DHTKD1: variants seen among roughly 807,000 people sequenced by gnomAD.
The protein encoded by DHTKD1 is 2-oxoadipate dehydrogenase complex component E1.
A neutral mutation model predicts 101.8 loss-of-function variants in DHTKD1; 78 were observed. The observed-to-expected ratio is 0.77, with a 90% confidence interval of 0.64 to 0.93. The LOEUF is 0.93. Ranked by LOEUF, DHTKD1 falls within the 40% of genes least tolerant of loss-of-function variation. The pLI is 0.00. For missense variants in DHTKD1, 1,223 were observed against 1,161.7 expected, an observed-to-expected ratio of 1.05 and a Z score of -0.77; for synonymous variants, 462 against 450.3, an observed-to-expected ratio of 1.03 and a Z score of -0.33.
At position 12,117,591 on chromosome 10, in the gene DHTKD1, C is replaced by T. The variant is rs569622861; in HGVS notation, c.2320-82C>T. On this transcript the variant is annotated intron_variant, in intron 13 of 16. Transcript: ENST00000263035. Reference sequence around the variant, plus strand: ...AGTGCTAGGCTAGAACTTTGGTACTCGTGTTTGATAGCGGCCCTTGTAAGT... The same window carrying T: ...AGTGCTAGGCTAGAACTTTGGTACTTGTGTTTGATAGCGGCCCTTGTAAGT... 1.9e-5 allele frequency: 16 copies of T among 833,668 alleles called. 1 individual carries two copies. Among genetic ancestry groups the T allele is most frequent in the Middle Eastern group, 2.2e-4 (1 of 4,490 alleles). 51.6% of individuals were successfully genotyped at this position (833,668 alleles called of 1,614,324 possible).
At chr10:12,113,560 T>C (rs1242487678) in intron 13 of DHTKD1, among the ~76,000 whole-genome samples, 2 of 152,174 alleles carry the variant, frequency 1.3e-5, no homozygotes, top group African/African-American at 2.4e-5. Context: ...TTTCTGTCAA[T>C]TGTAATGAAG....
intron 7 of DHTKD1, among the ~76,000 whole-genome samples, chr10:12,096,740 A>C (rs1300671171): frequency 6.6e-6 from 1 of 152,228 alleles, no homozygotes; most frequent in Admixed American, 6.5e-5. Flanking sequence ...TTTATAGTTG[A>C]AAGTATGACA....
rs1833315234 is a variant in DHTKD1 at position 12,110,599 on chromosome 10, C to T, written c.2155-2301C>T. On this transcript the variant is annotated intron_variant, in intron 12 of 16. Coordinates refer to ENST00000263035, the MANE Select transcript of DHTKD1 (RefSeq NM_018706.7). The surrounding 1 kb of genome is among the most constrained non-coding windows in gnomAD (Gnocchi z 4.9). ...GCTATACATTGTGAACTGATTGAAT[C>T]AAGCTAATTACCAGACCCGTCACCT... Among the ~76,000 whole-genome samples the T allele has an allele frequency of 6.6e-6, 1 of 152,140 alleles. No individual in the cohort carries two copies. Among genetic ancestry groups the T allele is most frequent in the Non-Finnish European group, 1.5e-5 (1 of 68,022 alleles).
At chr10:12,071,578 T>A (rs907247094) in intron 1 of DHTKD1, among the ~76,000 whole-genome samples, 2 of 149,972 alleles carry the variant, frequency 1.3e-5, no homozygotes, top group Non-Finnish European at 3.0e-5. Flanking sequence ...AAAACTAGCC[T>A]GGCCAACATG....
In DHTKD1 at chr10:12,118,742, C is replaced by T; in HGVS notation, c.2403-7C>T. Reference sequence around the variant, plus strand: ...CCCCACCCTATTGTTCCTTTTCTGTCCAACAGGGTTAAGACCCTCGTGTTC... The same window carrying T: ...CCCCACCCTATTGTTCCTTTTCTGTTCAACAGGGTTAAGACCCTCGTGTTC... On this transcript the variant is annotated splice_region_variant and splice_polypyrimidine_tract_variant and intron_variant, in intron 14 of 16. Transcript: ENST00000263035. The T allele has an allele frequency of 1.3e-6, 2 of 1,509,100 alleles. No individual in the cohort carries two copies. Among genetic ancestry groups the T allele is most frequent in the Non-Finnish European group, 1.8e-6 (2 of 1,127,490 alleles). 93.5% of individuals were successfully genotyped at this position (1,509,100 alleles called of 1,614,324 possible). A position where few individuals can be genotyped will look rare whatever the true frequency, so the allele number is the denominator to read the frequency against.
intron 14 of DHTKD1, among the ~76,000 whole-genome samples, chr10:12,118,188 C>T (rs1013855377): frequency 2.0e-5 from 3 of 151,918 alleles, no homozygotes; most frequent in Non-Finnish European, 4.4e-5. Flanking sequence ...CCATGCCTGG[C>T]CTCCTCTATC....
intron 12 of DHTKD1, among the ~76,000 whole-genome samples, chr10:12,112,497 C>T (rs912387946): frequency 5.6e-4 from 20 of 35,566 alleles, no homozygotes; most frequent in Admixed American, 8.9e-4. Flanking sequence ...TTAAAGCACG[C>T]GTGCACACAC....
intron 7 of DHTKD1, among the ~76,000 whole-genome samples, 155 bp from the exon 8 acceptor site, chr10:12,097,529 C>G (rs928978316): frequency 2.0e-5 from 3 of 152,168 alleles, no homozygotes; most frequent in Non-Finnish European, 4.4e-5. Flanking sequence ...CCACTTTGGC[C>G]TCCCAAAATG....
At chr10:12,072,819 C>T (rs1832671286) in intron 1 of DHTKD1, among the ~76,000 whole-genome samples, 1 of 151,988 alleles carries the variant, frequency 6.6e-6, no homozygotes, top group South Asian at 2.1e-4. Context: ...TCACCACAAC[C>T]TCTGCCTCCT....
intron 1 of DHTKD1, among the ~76,000 whole-genome samples, chr10:12,074,026 C>T (rs566408651): frequency 8.5e-5 from 13 of 152,268 alleles, no homozygotes; most frequent in Admixed American, 3.3e-4. Context: ...GGCTTCGTTA[C>T]GGACTTAAAC....
intron 13 of DHTKD1, among the ~76,000 whole-genome samples, chr10:12,115,825 C>T (rs753776628): frequency 6.6e-6 from 1 of 151,834 alleles, no homozygotes; most frequent in African/African-American, 2.4e-5. Context: ...TGGCATGCAG[C>T]GGCATAATCT....
At chr10:12,115,386 T>C (rs1833399871) in intron 13 of DHTKD1, among the ~76,000 whole-genome samples, 2 of 152,198 alleles carry the variant, frequency 1.3e-5, no homozygotes, top group Non-Finnish European at 2.9e-5. Flanking sequence ...TGTGAGCCAC[T>C]ATGCCTGGCC....
chr10:12,119,823 TAAAAAAG>T (rs1330350657), intron 15 of DHTKD1, among the ~76,000 whole-genome samples: 10 of 151,506 alleles, frequency 6.6e-5, no homozygotes, highest in South Asian at 2.1e-4. Context: ...CCCCAGAACT[TAAAAAAG>T]AAAAAAGAAA....
At chr10:12,091,466 C>G (rs777063638) in intron 5 of DHTKD1, 47 bp from the exon 6 acceptor site, 1 of 1,197,280 alleles carries the variant, frequency 8.4e-7, no homozygotes, top group Admixed American at 2.3e-5. Context: ...TTCTTAATCC[C>G]TTATGTTTCT....
Position 12,068,956 on chromosome 10 carries a change from C to T in DHTKD1, c.-78C>T. On this transcript the variant is annotated 5_prime_UTR_variant, in exon 1 of 17. It adds an upstream start codon to the 5' untranslated region. Coordinates refer to ENST00000263035, the MANE Select transcript of DHTKD1 (RefSeq NM_018706.7). ...GGGGCGGGGCTCCGGCCGCCTCTGACGAGTCCCGGATTTACCAGGGCCGGT... is the reference window on the plus strand; with the variant it reads ...GGGGCGGGGCTCCGGCCGCCTCTGATGAGTCCCGGATTTACCAGGGCCGGT... The T allele has an allele frequency of 1.9e-6, 3 of 1,550,868 alleles. No individual in the cohort carries two copies. Among genetic ancestry groups the T allele is most frequent in the East Asian group, 2.3e-5 (1 of 42,910 alleles).
intron 2 of DHTKD1, among the ~76,000 whole-genome samples, chr10:12,084,148 C>G (rs1386549349): frequency 6.6e-6 from 1 of 152,086 alleles, no homozygotes; most frequent in East Asian, 1.9e-4. Flanking sequence ...GGCTCGAACT[C>G]CTGACCTCAG....
In DHTKD1 at chr10:12,084,595, C is replaced by G; in HGVS notation, c.366C>G (p.Leu122=). Residue 122 remains leucine, a synonymous_variant, in exon 3 of 17, where the codon CTC becomes CTG. Coordinates refer to ENST00000263035, the MANE Select transcript of DHTKD1 (RefSeq NM_018706.7). ...CACTTGAGGAAGTGTTAGTCTATCT[C>G]AATCAAATCTACTGTGGGCAGATTT... ...EASLEEVLVY[L]NQIYCGQISI... The G allele has an allele frequency of 6.2e-7, 1 of 1,613,686 alleles. No homozygotes were observed. Among genetic ancestry groups the G allele is most frequent in the Non-Finnish European group, 8.5e-7 (1 of 1,179,644 alleles).
At chr10:12,080,299 CAAA>C (rs11359134) in intron 1 of DHTKD1, among the ~76,000 whole-genome samples, 14 of 87,640 alleles carry the variant, frequency 1.6e-4, no homozygotes, top group East Asian at 3.4e-4. Flanking sequence ...GACTCCGTCT[CAAA>C]AAAAAAAAAA....
intron 6 of DHTKD1, 96 bp downstream of exon 6, chr10:12,091,780 T>TC (rs1291772965): frequency 2.2e-6 from 2 of 918,134 alleles, no homozygotes; most frequent in Non-Finnish European, 3.3e-6. Context: ...TCACTGGTTA[T>TC]CCCTCCTTTC....
Sources: allele counts gnomAD v4.1 joint callset (sites outside exome capture counted in the v4.1 genomes callset), GRCh38; gene constraint gnomAD v4.1.1; non-coding constraint Gnocchi (gnomAD v3.1); transcripts MANE v1.5; gene names NCBI Gene and HGNC (gene_info 2026-07-23, HGNC 2026-07-21).